FRAS1: variants seen among roughly 807,000 people sequenced by gnomAD.
FRAS1 encodes Fraser extracellular matrix complex subunit 1.
In FRAS1, 290 loss-of-function variants were observed where a neutral mutation model predicts 435.2. That is an observed-to-expected ratio of 0.67 (90% CI 0.61 to 0.73). FRAS1 has a LOEUF of 0.73. Among genes scored for constraint, FRAS1 ranks in the 30% least tolerant of loss-of-function variants. The probability of loss-of-function intolerance (pLI) is 0.00; values close to 1 mark genes in which losing one functional copy is unlikely to be tolerated. For missense variants in FRAS1, 4,860 were observed against 5,001.5 expected, an observed-to-expected ratio of 0.97 and a Z score of 0.85; for synonymous variants, 1,800 against 1,851.0, an observed-to-expected ratio of 0.97 and a Z score of 0.71.
chr4:78,307,284 C>T (rs1728787125), intron 14 of FRAS1, among the ~76,000 whole-genome samples: 1 of 152,226 alleles, frequency 6.6e-6, no homozygotes, highest in Non-Finnish European at 1.5e-5. Flanking sequence ...CAGACAGGGA[C>T]ATTTAAGTCT....
At chr4:78,125,787 C>T (rs183682837) in intron 2 of FRAS1, among the ~76,000 whole-genome samples, 7 of 152,300 alleles carry the variant, frequency 4.6e-5, no homozygotes, top group African/African-American at 1.7e-4. Flanking sequence ...TTTGAGATGT[C>T]TGTCAGCCCC....
At chr4:78,171,149 C>T (rs1310932727) in intron 2 of FRAS1, among the ~76,000 whole-genome samples, 2 of 152,040 alleles carry the variant, frequency 1.3e-5, no homozygotes, top group Non-Finnish European at 2.9e-5. Flanking sequence ...AAACTATGAA[C>T]TCTAACTTCA....
intron 2 of FRAS1, among the ~76,000 whole-genome samples, chr4:78,124,176 G>A (rs1288608722): frequency 3.9e-5 from 6 of 152,106 alleles, no homozygotes; most frequent in Non-Finnish European, 8.8e-5. Flanking sequence ...AGAGTTTTTG[G>A]CATGAAAGTC....
chr4:78,288,622 C>T (rs13138795), intron 14 of FRAS1, among the ~76,000 whole-genome samples: 48,375 of 151,886 alleles, frequency 0.32, 8,150 homozygotes, highest in East Asian at 0.38. Flanking sequence ...ATGCTCCCTC[C>T]AGGGAATTAA....
intron 9 of FRAS1, among the ~76,000 whole-genome samples, chr4:78,273,454 C>T (rs1005250102): frequency 2.0e-5 from 3 of 152,112 alleles, no homozygotes; most frequent in East Asian, 1.9e-4. Context: ...GTGGGTTTCT[C>T]GTAAATAGCT....
intron 14 of FRAS1, among the ~76,000 whole-genome samples, chr4:78,306,650 C>A (rs1356368491): frequency 6.7e-6 from 1 of 148,824 alleles, no homozygotes; most frequent in Non-Finnish European, 1.5e-5. Flanking sequence ...TCCAGTTGAT[C>A]GCATCGGCTC....
At chr4:78,139,511 C>G (rs757639210) in intron 2 of FRAS1, among the ~76,000 whole-genome samples, 4 of 152,098 alleles carry the variant, frequency 2.6e-5, no homozygotes, top group Non-Finnish European at 5.9e-5. Context: ...TCCTTTTTAT[C>G]TTTCAACTCT....
intron 61 of FRAS1, among the ~76,000 whole-genome samples, chr4:78,504,034 T>A (rs1720756916): frequency 6.6e-6 from 1 of 152,142 alleles, no homozygotes; most frequent in African/African-American, 2.4e-5. Context: ...TTTGGGTGAG[T>A]TTAGTTAATC....
intron 69 of FRAS1, among the ~76,000 whole-genome samples, chr4:78,526,304 G>A (rs1208698619): frequency 2.6e-5 from 4 of 152,168 alleles, no homozygotes; most frequent in African/African-American, 9.7e-5. Context: ...CTCATAGGAA[G>A]GACCTGAATA....
chr4:78,129,245 T>G (rs1719558779), intron 2 of FRAS1, among the ~76,000 whole-genome samples: 1 of 152,226 alleles, frequency 6.6e-6, no homozygotes, highest in Non-Finnish European at 1.5e-5. Flanking sequence ...TGGGCTCTTT[T>G]TTGGTTCCAT....
rs942786257 is a variant in FRAS1, at chr4:78,122,639, T to C, written c.108+56623T>C. Among the ~76,000 whole-genome samples, 11 of 152,312 alleles carry C rather than the reference T, an allele frequency of 7.2e-5. 1 individual carries two copies. Among genetic ancestry groups the C allele is most frequent in the African/African-American group, 2.6e-4 (11 of 41,570 alleles). ...TTTTCCACAACCTCTCCAGCATCTG[T>C]TGTTTCCTGACTTTTTAATGATCGC... On this transcript the variant is annotated intron_variant, in intron 2 of 73. Coordinates refer to ENST00000512123, the MANE Select transcript of FRAS1 (RefSeq NM_025074.7).
intron 30 of FRAS1, among the ~76,000 whole-genome samples, chr4:78,405,881 T>C (rs1483754407): frequency 6.6e-6 from 1 of 152,232 alleles, no homozygotes; most frequent in African/African-American, 2.4e-5. Flanking sequence ...TGGTCTTCAA[T>C]TGAAGGCATA....
At chr4:78,219,654 T>C (rs1209451151) in intron 2 of FRAS1, among the ~76,000 whole-genome samples, 2 of 152,234 alleles carry the variant, frequency 1.3e-5, no homozygotes, top group Non-Finnish European at 1.5e-5. Flanking sequence ...GAAACAATAA[T>C]AAACTTTGTT....
chr4:78,293,316 C>A (rs1050449628), intron 14 of FRAS1, among the ~76,000 whole-genome samples: 9 of 152,148 alleles, frequency 5.9e-5, no homozygotes, highest in Non-Finnish European at 1.0e-4. Context: ...ATATCTGTGG[C>A]CCTCTGGAAT....
chr4:78,539,493 G>GAAAA (rs3062747), intron 73 of FRAS1, 53 bp downstream of exon 73: 5 of 977,114 alleles, frequency 5.1e-6, no homozygotes, highest in Non-Finnish European at 5.8e-6. Context: ...TTTAAAGCTT[G>GAAAA]AAAAAAAAAA....
In FRAS1 at chr4:78,278,661, G is replaced by A. The variant is rs755089224; in HGVS notation, c.988G>A (p.Glu330Lys). The A allele has an allele frequency of 3.3e-5, 53 of 1,582,666 alleles. No individual in the cohort carries two copies. The highest frequency in any genetic ancestry group is 4.5e-5 in the Non-Finnish European group (52 of 1,151,860). Residue 330 changes from glutamate (E) to lysine (K), a missense_variant, in exon 10 of 74, where the codon GAA becomes AAA. Glu to Lys is a moderately conservative substitution (Grantham distance 56, BLOSUM62 1). Transcript: ENST00000512123. ...GCAACCCTTATTTCTACAGGATGAA[G>A]AATTAATTCACTTAGATGGAAAGTG... ...CAKVECARDE[E>K]LIHLDGKCCP...
rs1423762539 is a variant in FRAS1, at chr4:78,108,605, T to G, written c.108+42589T>G. Among the ~76,000 whole-genome samples the G allele has an allele frequency of 5.6e-5, 5 of 88,706 alleles. 1 individual carries two copies. The highest frequency in any genetic ancestry group is 2.0e-4 in the African/African-American group (4 of 19,696). The allele number at this position is 88,706 out of a possible 152,430, so 58.2% of individuals were successfully genotyped here. ...TCTGGGACACATTCAAAGCAGTGTG[T>G]AGAGGGAAATTTATAGCACTAAATG... is the stretch of plus-strand genomic sequence containing the variant. On this transcript the variant is annotated intron_variant, in intron 2 of 73. Coordinates refer to ENST00000512123, the MANE Select transcript of FRAS1 (RefSeq NM_025074.7).
At chr4:78,389,138 C>T (rs1392170243) in intron 29 of FRAS1, among the ~76,000 whole-genome samples, 1 of 152,212 alleles carries the variant, frequency 6.6e-6, no homozygotes, top group East Asian at 1.9e-4. Context: ...ATTGCTAGAC[C>T]AAAGGGACAC....
chr4:78,181,525 G>C, intron 2 of FRAS1: 1 of 1,611,500 alleles, frequency 6.2e-7, no homozygotes, highest in Non-Finnish European at 8.5e-7. Flanking sequence ...CACGTCCACG[G>C]CCCCCTCGAC....
Sources: gnomAD v4.1 joint callset for allele counts (sites outside exome capture counted in the v4.1 genomes callset) on GRCh38, gnomAD v4.1.1 for gene constraint, MANE v1.5 for transcripts, NCBI Gene and HGNC (gene_info 2026-07-23, HGNC 2026-07-21) for gene names.